The following MICU1 variants were observed in gnomAD, a reference collection of about 807,000 sequenced individuals.
The protein encoded by MICU1 is mitochondrial calcium uptake 1.
In MICU1, 45 loss-of-function variants were observed where a neutral mutation model predicts 56.8. That is an observed-to-expected ratio of 0.79 (90% CI 0.62 to 1.02). MICU1 has a LOEUF of 1.02. Ranked by LOEUF, MICU1 falls within the 50% of genes least tolerant of loss-of-function variation. The pLI, the probability that MICU1 is intolerant of heterozygous loss-of-function variation, is 0.00. For missense variants in MICU1, 504 were observed against 587.1 expected (o/e 0.86, Z 1.46); for synonymous variants, 186 against 195.1 (o/e 0.95, Z 0.39).
intron 6 of MICU1, among the ~76,000 whole-genome samples, chr10:72,487,780 G>A (rs1866522048): frequency 2.0e-5 from 3 of 152,156 alleles, no homozygotes; most frequent in Admixed American, 2.0e-4. Flanking sequence ...GGGCAACTTT[G>A]TGAGAGCTTC....
rs201257033 is a variant in MICU1, at chr10:72,426,398, ATTTT to A, written c.934-3031_934-3028del. ...GGAAATGCTTATTGGAGCATTCTGG[ATTTT>A]TTTTTTTTTTTTTCAGACAGGGTCT... On this transcript the variant is annotated intron_variant, in intron 8 of 11. Transcript: ENST00000361114. Among the ~76,000 whole-genome samples the A allele has an allele frequency of 3.5e-4, 48 of 135,624 alleles. 1 individual carries two copies. Among genetic ancestry groups the A allele is most frequent in the African/African-American group, 1.2e-3 (46 of 36,832 alleles). The allele number at this position is 135,624 out of a possible 152,430, so 89.0% of individuals were successfully genotyped here.
At chr10:72,533,227 A>G in intron 5 of MICU1, 1 of 885,910 alleles carries the variant, frequency 1.1e-6, no homozygotes, top group Non-Finnish European at 1.5e-6. Flanking sequence ...CATTTTCTAT[A>G]CCTAAGAATA....
chr10:72,558,780 CA>C (rs1194436556), intron 3 of MICU1, among the ~76,000 whole-genome samples: 1 of 152,092 alleles, frequency 6.6e-6, no homozygotes, highest in East Asian at 1.9e-4. Context: ...CAAATTAAAA[CA>C]AAAAGGGGCA....
chr10:72,405,216 T>TTTAA (rs888876051), intron 10 of MICU1, among the ~76,000 whole-genome samples: 1 of 151,976 alleles, frequency 6.6e-6, no homozygotes, highest in African/African-American at 2.4e-5. Flanking sequence ...GCCTATTTAA[T>TTTAA]TTAATTAATT....
At chr10:72,550,549 A>G (rs150025298) in intron 4 of MICU1, among the ~76,000 whole-genome samples, 14 of 152,320 alleles carry the variant, frequency 9.2e-5, no homozygotes, top group African/African-American at 3.4e-4. Context: ...ATATCAACCT[A>G]TTGCTCTTGG....
chr10:72,391,258 C>A (rs955710138), intron 10 of MICU1, among the ~76,000 whole-genome samples: 2 of 152,160 alleles, frequency 1.3e-5, no homozygotes, highest in Non-Finnish European at 2.9e-5. Flanking sequence ...ATGGCGAAAT[C>A]CTCTCTCTAC....
chr10:72,500,275 TATATATATATATATATA>T (rs1866990976), intron 6 of MICU1, among the ~76,000 whole-genome samples: 2 of 9,252 alleles, frequency 2.2e-4, no homozygotes, highest in East Asian at 3.7e-3. Context: ...TATATATATA[TATATATATATATATATA>T]TATATATATA....
rs1015714929 is a variant in MICU1 at position 72,412,037 on chromosome 10, A to G, written c.1072-4000T>C. 5.9e-5 allele frequency among the ~76,000 whole-genome samples: 9 copies of G among 152,220 alleles called. 1 individual carries two copies. In the South Asian group the frequency reaches 1.9e-3, roughly 32 times the overall value. ...ACTTATCATTATGCCAAGAACAGTGAGGGAAATTGTATTGGACACAGGCCT... is the reference window on the plus strand; with the variant it reads ...ACTTATCATTATGCCAAGAACAGTGGGGGAAATTGTATTGGACACAGGCCT... On this transcript the variant is annotated intron_variant, in intron 9 of 11. Coordinates refer to ENST00000361114, the MANE Select transcript of MICU1 (RefSeq NM_001195518.2).
At chr10:72,549,748 T>C (rs1839986384) in intron 4 of MICU1, among the ~76,000 whole-genome samples, 1 of 152,006 alleles carries the variant, frequency 6.6e-6, no homozygotes, top group Non-Finnish European at 1.5e-5. Context: ...CTGGCCAACA[T>C]GGCCAGACCC....
intron 3 of MICU1, among the ~76,000 whole-genome samples, chr10:72,557,032 C>T (rs1290548471): frequency 6.6e-6 from 1 of 151,902 alleles, no homozygotes; most frequent in Non-Finnish European, 1.5e-5. Context: ...CGCCACTGCA[C>T]TCTAGCCTGG....
At chr10:72,458,250 C>T (rs1865535336) in intron 8 of MICU1, among the ~76,000 whole-genome samples, 1 of 151,468 alleles carries the variant, frequency 6.6e-6, no homozygotes, top group African/African-American at 2.4e-5. Flanking sequence ...AGCATATTAA[C>T]ACTTAGCAAT....
intron 10 of MICU1, among the ~76,000 whole-genome samples, chr10:72,379,753 T>C (rs1862640326): frequency 6.6e-6 from 1 of 152,184 alleles, no homozygotes; most frequent in Admixed American, 6.5e-5. Context: ...CAGAAAGTTA[T>C]AGATTATGTT....
intron 6 of MICU1, among the ~76,000 whole-genome samples, chr10:72,507,440 T>C (rs1867290828): frequency 6.6e-6 from 1 of 152,200 alleles, no homozygotes; most frequent in Non-Finnish European, 1.5e-5. Context: ...TTCAGAAGTA[T>C]TCCTCCAAGG....
At chr10:72,397,614 A>G (rs917066854) in intron 10 of MICU1, among the ~76,000 whole-genome samples, 1 of 152,226 alleles carries the variant, frequency 6.6e-6, no homozygotes, top group Non-Finnish European at 1.5e-5. Context: ...GAAAACAAAA[A>G]AAAGCAGTGG....
intron 1 of MICU1, among the ~76,000 whole-genome samples, chr10:72,620,453 T>C (rs3000968): frequency 0.46 from 70,175 of 152,070 alleles, 20,252 homozygotes; most frequent in Non-Finnish European, 0.67. Context: ...CCCAAAGTAC[T>C]GGGATTACAG....
At chr10:72,417,121 A>G (rs1864007074) in intron 9 of MICU1, among the ~76,000 whole-genome samples, 1 of 152,204 alleles carries the variant, frequency 6.6e-6, no homozygotes, top group African/African-American at 2.4e-5. Context: ...CTTTGCATAC[A>G]TATTTTTCTC....
intron 10 of MICU1, among the ~76,000 whole-genome samples, chr10:72,405,611 ATATT>A (rs1345739445): frequency 7.2e-5 from 11 of 152,216 alleles, no homozygotes; most frequent in African/African-American, 2.7e-4. Flanking sequence ...ATATCTGTCA[ATATT>A]TAACAAAATG....
intron 5 of MICU1, among the ~76,000 whole-genome samples, chr10:72,513,680 C>CT (rs923686831): frequency 3.4e-4 from 52 of 151,018 alleles, no homozygotes; most frequent in East Asian, 1.9e-3. Flanking sequence ...AGCATTTGCT[C>CT]TTTTTTTTTA....
intron 8 of MICU1, among the ~76,000 whole-genome samples, chr10:72,468,155 G>T (rs1865849458): frequency 6.6e-6 from 1 of 152,072 alleles, no homozygotes; most frequent in Admixed American, 6.6e-5. Context: ...AATTTTATTG[G>T]TTATTTGCTA....
Sources: allele counts gnomAD v4.1 joint callset (sites outside exome capture counted in the v4.1 genomes callset), GRCh38; gene constraint gnomAD v4.1.1; transcripts MANE v1.5; gene names NCBI Gene and HGNC (gene_info 2026-07-23, HGNC 2026-07-21).